MAGED1: variants seen among roughly 807,000 people sequenced by gnomAD.
MAGED1 encodes MAGE family member D1, also known as melanoma-associated antigen D1.
A neutral mutation model predicts 54.1 loss-of-function variants in MAGED1; 3 were observed. That is an observed-to-expected ratio of 0.06 (90% CI 0.03 to 0.14). MAGED1 has a LOEUF of 0.14. MAGED1 is among the 10% of genes least tolerant of loss of function. MAGED1 has a pLI of 1.00. For missense variants in MAGED1, 485 were observed against 623.4 expected (o/e 0.78, Z 2.36); for synonymous variants, 217 against 227.3 (o/e 0.95, Z 0.41).
intron 11 of MAGED1, 138 bp from the exon 12 acceptor site, chrX:51,901,415 A>G (rs147805084): frequency 3.7e-6 from 2 of 537,543 alleles, no homozygotes; most frequent in East Asian, 7.7e-5. Context: ...CCTTCTTTTT[A>G]AAGGCTGAAT....
At chrX:51,840,806 T>G (rs1926438176) in intron 1 of MAGED1, among the ~76,000 whole-genome samples, 1 of 110,478 alleles carries the variant, frequency 9.1e-6, no homozygotes, top group Non-Finnish European at 1.9e-5. Flanking sequence ...GGTGTATATG[T>G]GCCACATTTT....
At chrX:51,814,058 C>A (rs1925317606) in intron 1 of MAGED1, among the ~76,000 whole-genome samples, 1 of 111,279 alleles carries the variant, frequency 9.0e-6, no homozygotes, top group Non-Finnish European at 1.9e-5. Flanking sequence ...CTATGACTAG[C>A]TGGTTTTGTG....
intron 2 of MAGED1, 118 bp downstream of exon 2, chrX:51,894,467 C>A: frequency 1.2e-6 from 1 of 849,360 alleles, no homozygotes; most frequent in Non-Finnish European, 1.7e-6. Context: ...GACTAGACTC[C>A]GTGGGCTTTT....
chrX:51,821,992 T>C (rs1385865153), intron 1 of MAGED1, among the ~76,000 whole-genome samples: 1 of 111,758 alleles, frequency 8.9e-6, no homozygotes, highest in African/African-American at 3.3e-5. Flanking sequence ...TTGTATTTTG[T>C]TGAGGATTAT....
chrX:51,898,338 G>T lies in MAGED1; in HGVS notation c.1781+11G>T. 4 of 1,210,357 alleles carry T rather than the reference G, an allele frequency of 3.3e-6. No homozygotes were observed. The highest frequency in any genetic ancestry group is 4.5e-6 in the Non-Finnish European group (4 of 894,376). On this transcript the variant is annotated intron_variant, in intron 9 of 12. Coordinates refer to ENST00000326587, the MANE Select transcript of MAGED1 (RefSeq NM_006986.4). ...GGGACTGCGTCCTGGGTATGATTGG[G>T]CTCTCTCATCTCTTGCCTGTTTGTG...
chrX:51,831,215 C>T (rs1232023163), intron 1 of MAGED1, among the ~76,000 whole-genome samples: 1 of 112,622 alleles, frequency 8.9e-6, no homozygotes, highest in East Asian at 2.8e-4. Context: ...CCAATCTTGA[C>T]TTGAAAAAGT....
chrX:51,827,083 T>G (rs1360014873), intron 1 of MAGED1, among the ~76,000 whole-genome samples: 1 of 111,208 alleles, frequency 9.0e-6, no homozygotes, highest in Non-Finnish European at 1.9e-5. Flanking sequence ...TGAAAAGATA[T>G]GGTGGAATCA....
chrX:51,870,755 T>C (rs1407100930), intron 1 of MAGED1: 1 of 112,498 alleles, frequency 8.9e-6, no homozygotes, highest in Non-Finnish European at 1.9e-5. Flanking sequence ...ACAGGGGCCA[T>C]GTGCTAATCT....
intron 1 of MAGED1, among the ~76,000 whole-genome samples, chrX:51,818,329 A>G (rs1557356250): frequency 9.0e-6 from 1 of 111,649 alleles, no homozygotes; most frequent in Non-Finnish European, 1.9e-5. Flanking sequence ...CATGGAAGCC[A>G]TGGCACTACA....
upstream of MAGED1, among the ~76,000 whole-genome samples, chrX:51,888,716 G>C (rs1192133034): frequency 2.7e-5 from 3 of 112,164 alleles, no homozygotes; most frequent in Non-Finnish European, 5.6e-5. Flanking sequence ...AAATGACCCA[G>C]ATGTCTTTCA....
At chrX:51,873,045 CAAAA>C (rs33935618) in intron 1 of MAGED1, among the ~76,000 whole-genome samples, 2 of 103,085 alleles carry the variant, frequency 1.9e-5, no homozygotes, top group African/African-American at 3.7e-5. Context: ...CTTTCATTGT[CAAAA>C]AAAAAAAAAT....
At chrX:51,873,162 A>G (rs1927747113) in intron 1 of MAGED1, among the ~76,000 whole-genome samples, 1 of 111,772 alleles carries the variant, frequency 8.9e-6, no homozygotes, top group South Asian at 3.8e-4. Context: ...GAAGAGGCAC[A>G]TCTTGCATGG....
At chrX:51,848,751 A>G (rs1926776166) in intron 1 of MAGED1, among the ~76,000 whole-genome samples, 1 of 111,425 alleles carries the variant, frequency 9.0e-6, no homozygotes, top group South Asian at 3.8e-4. Context: ...AGGGCCAGCC[A>G]CTCCTGGAGA....
Position 51,901,594 on chromosome X carries a change from G to T in MAGED1, c.2001G>T (p.Met667Ile). The change falls in exon 12 of 13, where the codon ATG (methionine) becomes ATT (isoleucine). Residue 667 changes from methionine (M) to isoleucine (I), a missense_variant. Met to Ile is a conservative substitution (Grantham distance 10). Transcript: ENST00000326587. The part of the protein sequence containing the change: ...RDPRDWTAQF[M>I]EAADEALDAL... ...CTCGTGACTGGACTGCACAGTTCAT[G>T]GAGGCTGCAGATGAGGCCTTGGATG... 8.3e-7 allele frequency: 1 copy of T among 1,201,926 alleles called. No individual in the cohort carries two copies. The highest frequency in any genetic ancestry group is 1.1e-6 in the Non-Finnish European group (1 of 890,248).
At chrX:51,844,883 T>A (rs1490734619) in intron 1 of MAGED1, among the ~76,000 whole-genome samples, 2 of 111,260 alleles carry the variant, frequency 1.8e-5, no homozygotes, top group East Asian at 5.7e-4. Context: ...GAGAATGGAA[T>A]GAAAGAAGGC....
intron 2 of MAGED1, 57 bp downstream of exon 2, chrX:51,894,406 C>T: frequency 9.2e-7 from 1 of 1,090,221 alleles, no homozygotes; most frequent in Non-Finnish European, 1.3e-6. Context: ...CCCCTCCCCG[C>T]GGGCCTCTTT....
chrX:51,855,407 G>A (rs1762559905), intron 1 of MAGED1, among the ~76,000 whole-genome samples: 1 of 110,805 alleles, frequency 9.0e-6, no homozygotes, highest in African/African-American at 3.3e-5. Context: ...TCATTTGCTA[G>A]GACTGTGTAC....
intron 1 of MAGED1, among the ~76,000 whole-genome samples, chrX:51,827,902 A>G (rs1243866695): frequency 3.6e-5 from 4 of 111,616 alleles, no homozygotes; most frequent in Non-Finnish European, 7.5e-5. Context: ...TGCTAATACT[A>G]TGGCACCTTG....
intron 1 of MAGED1, among the ~76,000 whole-genome samples, chrX:51,826,483 G>GAAAA (rs782126510): frequency 6.3e-5 from 7 of 111,087 alleles, no homozygotes; most frequent in Non-Finnish European, 9.4e-5. Context: ...TTTTGGCAAA[G>GAAAA]ATTGTCCTTC....
Sources: gnomAD v4.1 joint callset for allele counts (sites outside exome capture counted in the v4.1 genomes callset) on GRCh38, gnomAD v4.1.1 for gene constraint, MANE v1.5 for transcripts, NCBI Gene and HGNC (gene_info 2026-07-23, HGNC 2026-07-21) for gene names.